CNTN5: variants seen among roughly 807,000 people sequenced by gnomAD.
CNTN5 encodes the protein contactin-5.
A neutral mutation model predicts 129.1 loss-of-function variants in CNTN5; 77 were observed. That is an observed-to-expected ratio of 0.60 (90% CI 0.50 to 0.72). The LOEUF (loss-of-function observed/expected upper bound fraction) is 0.72, where lower values mean the gene tolerates loss of function less well. CNTN5 is among the 30% of genes least tolerant of loss of function. The probability of loss-of-function intolerance (pLI) is 0.00; values close to 1 mark genes in which losing one functional copy is unlikely to be tolerated. For missense variants in CNTN5, 1,478 were observed against 1,328.8 expected (o/e 1.11, Z -1.75); for synonymous variants, 509 against 465.6 (o/e 1.09, Z -1.20).
intron 18 of CNTN5, among the ~76,000 whole-genome samples, chr11:100,276,857 T>C (rs926019251): frequency 1.5e-4 from 23 of 151,936 alleles, no homozygotes; most frequent in Admixed American, 6.6e-4. Context: ...ACAATTAATT[T>C]TTTTTTTTTA....
intron 18 of CNTN5, among the ~76,000 whole-genome samples, chr11:100,281,332 T>TG (rs773613692): frequency 1.3e-5 from 2 of 152,134 alleles, no homozygotes; most frequent in African/African-American, 2.4e-5. Flanking sequence ...TTTCTCCTTA[T>TG]GTTTGAAGGA....
At chr11:99,878,995 C>T (rs1434015967) in intron 6 of CNTN5, among the ~76,000 whole-genome samples, 3 of 152,102 alleles carry the variant, frequency 2.0e-5, no homozygotes, top group Admixed American at 6.5e-5. Flanking sequence ...TACAGTGGTA[C>T]GATCTGATCT....
chr11:99,200,842 C>A (rs1019431243), intron 1 of CNTN5, among the ~76,000 whole-genome samples: 2 of 152,004 alleles, frequency 1.3e-5, no homozygotes, highest in Non-Finnish European at 2.9e-5. Flanking sequence ...AGATAATATA[C>A]CCTTGGATTG....
intron 6 of CNTN5, among the ~76,000 whole-genome samples, chr11:99,880,411 A>G (rs1565633174): frequency 3.3e-5 from 5 of 152,230 alleles, no homozygotes. Flanking sequence ...ATGAAAGAGA[A>G]TAACTGTTTC....
At chr11:100,118,822 C>A (rs1591276560) in intron 13 of CNTN5, among the ~76,000 whole-genome samples, 1 of 151,694 alleles carries the variant, frequency 6.6e-6, no homozygotes, top group East Asian at 1.9e-4. Context: ...TTAAAAATTT[C>A]TCCTTTAGAA....
chr11:99,877,728 C>T (rs142254421), intron 6 of CNTN5, among the ~76,000 whole-genome samples: 37 of 152,216 alleles, frequency 2.4e-4, no homozygotes, highest in African/African-American at 8.9e-4. Context: ...CAGCTTTATA[C>T]AGTACTATAT....
At chr11:99,480,572 G>A (rs1945554929) in intron 2 of CNTN5, among the ~76,000 whole-genome samples, 1 of 152,092 alleles carries the variant, frequency 6.6e-6, no homozygotes, top group African/African-American at 2.4e-5. Flanking sequence ...CCTGATTCTT[G>A]AATGTTTGCA....
chr11:99,119,966 G>T (rs544345491), intron 1 of CNTN5, among the ~76,000 whole-genome samples: 2 of 152,164 alleles, frequency 1.3e-5, no homozygotes, highest in East Asian at 1.9e-4. Flanking sequence ...TTTGGATGGG[G>T]TTGTTTGTTT....
At chr11:99,184,949 A>G (rs908787319) in intron 1 of CNTN5, among the ~76,000 whole-genome samples, 13 of 149,094 alleles carry the variant, frequency 8.7e-5, no homozygotes, top group Admixed American at 7.4e-4. Flanking sequence ...AATCAAACCT[A>G]TTAAATAAAT....
Position 99,114,609 on chromosome 11 carries a change from C to T in CNTN5, c.-210+93339C>T, listed in dbSNP as rs17133053. Among the ~76,000 whole-genome samples the T allele has an allele frequency of 8.8e-3, 1,345 of 151,996 alleles. 11 individuals carry two copies. Among genetic ancestry groups the T allele is most frequent in the African/African-American group, 0.011 (450 of 41,464 alleles). ...TAAAACATTTAATGAAAAAAATACTCGAATTAAAGGCATATCCATTAATTA... is the reference window on the plus strand; with the variant it reads ...TAAAACATTTAATGAAAAAAATACTTGAATTAAAGGCATATCCATTAATTA... On this transcript the variant is annotated intron_variant, in intron 1 of 24. Transcript: ENST00000524871.
intron 3 of CNTN5, among the ~76,000 whole-genome samples, chr11:99,571,170 G>T (rs1177221374): frequency 4.6e-5 from 7 of 152,186 alleles, no homozygotes; most frequent in Admixed American, 4.6e-4. Flanking sequence ...AAGAAAGAAG[G>T]CCTGGACATG....
rs191994972 is a variant in CNTN5, at chr11:100,209,315, G to A, written c.1885-15377G>A. Among the ~76,000 whole-genome samples, 59 of 152,240 alleles carry A rather than the reference G, an allele frequency of 3.9e-4. No homozygotes were observed. In the East Asian group the frequency reaches 0.01, roughly 26 times the overall value. ...AATAATCATTTGTACAACCCTAAAA[G>A]TCAACATATATTGTCACTATCAACA... On this transcript the variant is annotated intron_variant, in intron 15 of 24. Coordinates refer to ENST00000524871, the MANE Select transcript of CNTN5 (RefSeq NM_014361.4).
chr11:100,122,639 A>T (rs549202877), intron 13 of CNTN5, among the ~76,000 whole-genome samples: 1 of 152,178 alleles, frequency 6.6e-6, no homozygotes, highest in African/African-American at 2.4e-5. Flanking sequence ...TAAGCAGAGA[A>T]AAACCATTTG....
chr11:99,372,289 G>A (rs750347483), intron 2 of CNTN5, among the ~76,000 whole-genome samples: 3 of 151,730 alleles, frequency 2.0e-5, no homozygotes, highest in Non-Finnish European at 4.4e-5. Context: ...TTTGATCACC[G>A]TTACATCATT....
At chr11:99,231,229 A>G (rs1031726282) in intron 1 of CNTN5, among the ~76,000 whole-genome samples, 13 of 152,182 alleles carry the variant, frequency 8.5e-5, no homozygotes, top group African/African-American at 3.1e-4. Context: ...GAATTGTCAC[A>G]CTGTCTTCTA....
At position 99,981,103 on chromosome 11, in the gene CNTN5, TACAC is replaced by T. The variant is rs1555171291; in HGVS notation, c.878-20919_878-20916del. On this transcript the variant is annotated intron_variant, in intron 8 of 24. Transcript: ENST00000524871. ...ATATATATATATATATATATATATA[TACAC>T]ACACACACACATATATGAAAGAGAA... is the stretch of plus-strand genomic sequence containing the variant. 1.2e-3 allele frequency among the ~76,000 whole-genome samples: 66 copies of T among 54,424 alleles called. 1 individual carries two copies. Among genetic ancestry groups the T allele is most frequent in the African/African-American group, 3.4e-3 (36 of 10,504 alleles). The allele number at this position is 54,424 out of a possible 152,430, so 35.7% of individuals were successfully genotyped here. A position where few individuals can be genotyped will look rare whatever the true frequency, so the allele number is the denominator to read the frequency against.
chr11:99,891,242 C>A (rs1949050262), intron 6 of CNTN5, among the ~76,000 whole-genome samples: 1 of 152,032 alleles, frequency 6.6e-6, no homozygotes, highest in African/African-American at 2.4e-5. Flanking sequence ...TGGGGACTTT[C>A]TTTACTAGCT....
chr11:99,074,839 A>T (rs78233260), intron 1 of CNTN5, among the ~76,000 whole-genome samples: 4,178 of 152,310 alleles, frequency 0.027, 95 homozygotes, highest in East Asian at 0.06. Flanking sequence ...AAAAAGAAAA[A>T]CATGCATCAC....
intron 2 of CNTN5, among the ~76,000 whole-genome samples, chr11:99,361,493 A>G (rs1200280934): frequency 6.6e-6 from 1 of 152,164 alleles, no homozygotes; most frequent in Non-Finnish European, 1.5e-5. Context: ...GGTAAAATAT[A>G]TTTAACATAA....
Sources: gnomAD v4.1 joint callset for allele counts (sites outside exome capture counted in the v4.1 genomes callset) on GRCh38, gnomAD v4.1.1 for gene constraint, MANE v1.5 for transcripts, NCBI Gene and HGNC (gene_info 2026-07-23, HGNC 2026-07-21) for gene names.